Variants in SLC35F4 observed in about 807,000 individuals in gnomAD.
SLC35F4 encodes the protein solute carrier family 35 member F4.
SLC35F4 carries 24 observed loss-of-function variants against 44.2 expected under a neutral mutation model. The ratio of observed to expected loss-of-function variants is 0.54; its 90% CI spans 0.39 to 0.76. The LOEUF (loss-of-function observed/expected upper bound fraction) is 0.76. Ranked by LOEUF, SLC35F4 falls within the 30% of genes least tolerant of loss-of-function variation. The pLI is 0.00. For synonymous variants in SLC35F4, 238 were observed against 223.6 expected, an observed-to-expected ratio of 1.06 and a Z score of -0.57; for missense variants, 562 against 586.1, an observed-to-expected ratio of 0.96 and a Z score of 0.42.
At chr14:57,738,748 CATATATATATATAT>C (rs36212594) in intron 1 of SLC35F4, among the ~76,000 whole-genome samples, 1,997 of 110,260 alleles carry the variant, frequency 0.018, 49 homozygotes, top group South Asian at 0.035. Context: ...TTTGAATTTT[CATATATATATATAT>C]ATATATATAT....
chr14:57,973,668 C>T (rs78949437), downstream of SLC35F4, among the ~76,000 whole-genome samples: 859 of 152,188 alleles, frequency 5.6e-3, 6 homozygotes, highest in African/African-American at 0.02. Context: ...CTTTTGGTTG[C>T]ACATAACAGA....
intron 1 of SLC35F4, among the ~76,000 whole-genome samples, chr14:57,971,278 A>G (rs1881046939): frequency 6.6e-6 from 1 of 152,208 alleles, no homozygotes; most frequent in Admixed American, 6.5e-5. Context: ...TCTTGTTTAA[A>G]CTATAAATTT....
At chr14:57,787,452 A>G (rs1018884338) in intron 1 of SLC35F4, among the ~76,000 whole-genome samples, 2 of 152,252 alleles carry the variant, frequency 1.3e-5, no homozygotes, top group African/African-American at 2.4e-5. Flanking sequence ...CCTGATCACA[A>G]TGTCATCAGG....
intron 1 of SLC35F4, among the ~76,000 whole-genome samples, chr14:57,823,717 T>C (rs1187274081): frequency 6.6e-6 from 1 of 152,214 alleles, no homozygotes; most frequent in Non-Finnish European, 1.5e-5. Flanking sequence ...AGGTGTTTAT[T>C]ACATAGAAAT....
chr14:57,612,022 G>C (rs1205297504), intron 1 of SLC35F4, among the ~76,000 whole-genome samples: 1 of 152,208 alleles, frequency 6.6e-6, no homozygotes, highest in Non-Finnish European at 1.5e-5. Flanking sequence ...AAGTGACACA[G>C]TGACAATGTC....
chr14:57,893,053 A>G (rs538331603), intron 1 of SLC35F4, among the ~76,000 whole-genome samples: 1 of 152,184 alleles, frequency 6.6e-6, no homozygotes, highest in African/African-American at 2.4e-5. Flanking sequence ...AAAAATAGTT[A>G]TGGCTCTAAA....
At chr14:57,592,380 ATTCTT>A (rs749839223) in intron 2 of SLC35F4, among the ~76,000 whole-genome samples, 57 of 152,330 alleles carry the variant, frequency 3.7e-4, no homozygotes, top group Non-Finnish European at 6.8e-4. Flanking sequence ...TTTTCAGATT[ATTCTT>A]TTCTTCTCTT....
chr14:57,671,103 T>C (rs965544948), intron 1 of SLC35F4, among the ~76,000 whole-genome samples: 9 of 151,800 alleles, frequency 5.9e-5, no homozygotes, highest in Non-Finnish European at 1.3e-4. Context: ...GGGGTTTCAC[T>C]ATGTTGGCCA....
At position 57,798,271 on chromosome 14, in the gene SLC35F4, G is replaced by A. The variant is rs117985700; in HGVS notation, c.103+67452C>T. Among the ~76,000 whole-genome samples, 589 of 152,158 alleles carry A rather than the reference G, an allele frequency of 3.9e-3. 4 individuals carry two copies. Among genetic ancestry groups the A allele is most frequent in the Non-Finnish European group, 5.5e-3 (372 of 68,008 alleles). ...AGAAAATGCCTAGAGGACCTGAGAG[G>A]CTAAACACCTAGGTAGGTATCACAG... On this transcript the variant is annotated intron_variant, in intron 1 of 7. Transcript: ENST00000556826.
chr14:57,965,638 G>A (rs1265098264), intron 1 of SLC35F4, among the ~76,000 whole-genome samples: 1 of 152,140 alleles, frequency 6.6e-6, no homozygotes, highest in South Asian at 2.1e-4. Flanking sequence ...TGCATAAAAT[G>A]AGCTCCTGAG....
At chr14:57,732,399 A>G (rs1044990836) in intron 1 of SLC35F4, among the ~76,000 whole-genome samples, 1 of 152,332 alleles carries the variant, frequency 6.6e-6, no homozygotes, top group South Asian at 2.1e-4. Flanking sequence ...ACTAGAAAAA[A>G]ATGCATCTTA....
rs1389620071 is a variant in SLC35F4 at position 57,585,459 on chromosome 14, C to A, written c.587+3757G>T. On this transcript the variant is annotated intron_variant, in intron 3 of 7. Coordinates refer to ENST00000556826, the MANE Select transcript of SLC35F4 (RefSeq NM_001306087.2). ...GAAAAGGATGCCATCTCTTACCACTCCTATTCAACATAGTATTGGAAGTTC... is the reference window on the plus strand; with the variant it reads ...GAAAAGGATGCCATCTCTTACCACTACTATTCAACATAGTATTGGAAGTTC... Among the ~76,000 whole-genome samples, 8 of 152,126 alleles carry A rather than the reference C, an allele frequency of 5.3e-5. No homozygotes were observed. The East Asian group carries it at 1.5e-3, about 29-fold the overall frequency.
chr14:57,602,521 G>C (rs190227836), intron 1 of SLC35F4: 1 of 152,212 alleles, frequency 6.6e-6, no homozygotes, highest in Admixed American at 6.5e-5. Flanking sequence ...CTTTTCTCTG[G>C]CTAGGATCTC....
intron 1 of SLC35F4, among the ~76,000 whole-genome samples, chr14:57,906,086 C>A (rs1036741893): frequency 2.0e-5 from 3 of 152,128 alleles, no homozygotes; most frequent in Admixed American, 6.5e-5. Context: ...CAGTGTGCAT[C>A]CCCCTGGTGA....
chr14:57,755,720 GT>G (rs2076979401), intron 1 of SLC35F4, among the ~76,000 whole-genome samples: 1 of 123,002 alleles, frequency 8.1e-6, no homozygotes, highest in Non-Finnish European at 1.8e-5. Context: ...ATGCTTCATA[GT>G]TTACTGCAGT....
intron 1 of SLC35F4, among the ~76,000 whole-genome samples, chr14:57,863,341 G>T (rs959240473): frequency 6.6e-6 from 1 of 152,086 alleles, no homozygotes; most frequent in Non-Finnish European, 1.5e-5. Flanking sequence ...TTCTGAACAA[G>T]GTACAAGCAA....
chr14:57,634,677 C>T (rs1441002292), intron 1 of SLC35F4, among the ~76,000 whole-genome samples: 1 of 151,934 alleles, frequency 6.6e-6, no homozygotes, highest in Non-Finnish European at 1.5e-5. Flanking sequence ...TTTTTTTTCC[C>T]CTAAGTATAA....
rs546180110 is a variant in SLC35F4 at position 57,693,832 on chromosome 14, G to T, written c.104-99708C>A. Among the ~76,000 whole-genome samples the T allele has an allele frequency of 2.0e-5, 3 of 152,048 alleles. No individual in the cohort carries two copies. In the East Asian group the frequency reaches 5.8e-4, roughly 29 times the overall value. On this transcript the variant is annotated intron_variant, in intron 1 of 7. Coordinates refer to ENST00000556826, the MANE Select transcript of SLC35F4 (RefSeq NM_001306087.2). ...CTTTTTTTTTGCTTAATCTGTGTAG[G>T]TTCTATGCCCACACAGCACAGGTGG...
chr14:57,670,701 G>A (rs972174810), intron 1 of SLC35F4, among the ~76,000 whole-genome samples: 1 of 151,882 alleles, frequency 6.6e-6, no homozygotes, highest in Non-Finnish European at 1.5e-5. Flanking sequence ...GAGACAGTTT[G>A]TTATAATTTC....
Sources: allele counts gnomAD v4.1 joint callset (sites outside exome capture counted in the v4.1 genomes callset), GRCh38; gene constraint gnomAD v4.1.1; transcripts MANE v1.5; gene names NCBI Gene and HGNC (gene_info 2026-07-23, HGNC 2026-07-21).